The following BAIAP2 variants were observed in gnomAD, a reference collection of about 807,000 sequenced individuals.
BAIAP2 encodes the protein BAR/IMD domain containing adaptor protein 2, also known as BAR/IMD domain-containing adapter protein 2.
A neutral mutation model predicts 63.0 loss-of-function variants in BAIAP2; 18 were observed. The observed-to-expected ratio is 0.29, with a 90% CI of 0.20 to 0.42. The LOEUF is 0.42. Among genes scored for constraint, BAIAP2 ranks in the 10% least tolerant of loss-of-function variants. The pLI is 1.00. For missense variants in BAIAP2, 610 were observed against 734.3 expected, an observed-to-expected ratio of 0.83 and a Z score of 1.96; for synonymous variants, 386 against 307.6, an observed-to-expected ratio of 1.25 and a Z score of -2.67.
chr17:81,057,724 T>C, intron 2 of BAIAP2, 157 bp from the exon 3 acceptor site: 1 of 1,405,490 alleles, frequency 7.1e-7, no homozygotes, highest in Non-Finnish European at 9.2e-7. Flanking sequence ...AGATGGGTTC[T>C]GTCCAACCCA....
At chr17:81,070,204 C>T (rs1423572058) in intron 3 of BAIAP2, among the ~76,000 whole-genome samples, 1 of 152,200 alleles carries the variant, frequency 6.6e-6, no homozygotes, top group Non-Finnish European at 1.5e-5. Context: ...AGTGATCCTC[C>T]TATCTCGGCC....
rs970398072 is a variant in BAIAP2, at chr17:81,093,786, A to T, written c.490-6142A>T. Among the ~76,000 whole-genome samples the T allele has an allele frequency of 2.6e-5, 4 of 152,154 alleles. No homozygotes were observed. In the East Asian group the frequency reaches 7.7e-4, roughly 29 times the overall value. ...AAAGGGTGTATAATTAACACAGCAG[A>T]GACAAAGCACCCTCGTTCAGATCTT... On this transcript the variant is annotated intron_variant, in intron 6 of 13. Transcript: ENST00000428708.
chr17:81,085,434 A>G (rs1471589071), intron 4 of BAIAP2: 2 of 680,952 alleles, frequency 2.9e-6, no homozygotes, highest in Non-Finnish European at 5.4e-6. Flanking sequence ...TGGAGGCGAG[A>G]TTGTCCGACG....
At chr17:81,093,887 C>T (rs1363402928) in intron 6 of BAIAP2, among the ~76,000 whole-genome samples, 4 of 152,290 alleles carry the variant, frequency 2.6e-5, no homozygotes, top group Non-Finnish European at 5.9e-5. Flanking sequence ...AGCCCATCCT[C>T]GTTTTCACAA....
intron 9 of BAIAP2, 147 bp from the exon 10 acceptor site, chr17:81,104,367 G>A (rs2058873129): frequency 4.3e-6 from 4 of 929,594 alleles, no homozygotes; most frequent in Non-Finnish European, 6.5e-6. Context: ...CTTGGGAGCA[G>A]GTAGCTGCTG....
At chr17:81,106,612 G>T (rs1010949306) in intron 11 of BAIAP2, 133 bp from the exon 12 acceptor site, 129 of 1,054,376 alleles carry the variant, frequency 1.2e-4, no homozygotes, top group Non-Finnish European at 1.7e-4. Flanking sequence ...CAGGGCTGCC[G>T]CCTTGGCCTG....
At chr17:81,057,750 C>A in intron 2 of BAIAP2, 131 bp from the exon 3 acceptor site, 1 of 1,415,162 alleles carries the variant, frequency 7.1e-7, no homozygotes. Flanking sequence ...CACAGCGAGT[C>A]GAGTATTCTC....
At position 81,115,490 on chromosome 17, in the gene BAIAP2, G is replaced by A. The variant is rs1255408389; in HGVS notation, c.1536-280G>A. Among the ~76,000 whole-genome samples the A allele has an allele frequency of 3.4e-5, 5 of 148,492 alleles. 1 individual carries two copies. Among genetic ancestry groups the A allele is most frequent in the Admixed American group, 3.3e-4 (5 of 15,166 alleles). On this transcript the variant is annotated intron_variant, in intron 13 of 13. Coordinates refer to ENST00000428708, the MANE Select transcript of BAIAP2 (RefSeq NM_001144888.2). The stretch of plus-strand genomic sequence containing the variant: ...GGCCTGCCCCGCCCCACCCCGCCCT[G>A]CCCTGCCCAGCCCACACTGCTGGGA...
At chr17:81,089,835 G>T (rs1021943193) in intron 6 of BAIAP2, among the ~76,000 whole-genome samples, 1 of 152,180 alleles carries the variant, frequency 6.6e-6, no homozygotes, top group Non-Finnish European at 1.5e-5. Context: ...GCCCCGAAGC[G>T]CATGGTAGGT....
intron 13 of BAIAP2, among the ~76,000 whole-genome samples, chr17:81,114,962 C>T (rs1259658530): frequency 6.6e-6 from 1 of 152,232 alleles, no homozygotes; most frequent in African/African-American, 2.4e-5. Flanking sequence ...TTCATGTCCA[C>T]GTGCCATCTG....
At chr17:81,100,322 T>C (rs1290534971) in intron 7 of BAIAP2, among the ~76,000 whole-genome samples, 2 of 152,182 alleles carry the variant, frequency 1.3e-5, no homozygotes, top group Admixed American at 6.5e-5. Flanking sequence ...TGATGGGCTT[T>C]CAAGGCCTTC....
In BAIAP2 at chr17:81,074,720, CTG is replaced by C. The variant is rs569359988; in HGVS notation, c.218-10107_218-10106del. The stretch of plus-strand genomic sequence containing the variant: ...CATGCACGGATGCGTGTCTGTGCGT[CTG>C]TGTGCGTGCACAGATGCGTGTGAGT... On this transcript the variant is annotated intron_variant, in intron 3 of 13. Transcript: ENST00000428708. 7.3e-3 allele frequency among the ~76,000 whole-genome samples: 1,014 copies of C among 138,482 alleles called. 3 individuals carry two copies. The highest frequency in any genetic ancestry group is 0.012 in the Non-Finnish European group (738 of 64,064). The allele number at this position is 138,482 out of a possible 152,430, so 90.8% of individuals were successfully genotyped here.
chr17:81,060,754 C>T (rs561627071), intron 3 of BAIAP2, among the ~76,000 whole-genome samples: 1 of 152,292 alleles, frequency 6.6e-6, no homozygotes, highest in East Asian at 1.9e-4. Context: ...GTGGCCAAGT[C>T]CTACTGCACA....
Position 81,103,995 on chromosome 17 carries a change from C to G in BAIAP2, c.953C>G (p.Ala318Gly). The G allele has an allele frequency of 6.2e-7, 1 of 1,613,174 alleles. No homozygotes were observed. Among genetic ancestry groups the G allele is most frequent in the East Asian group, 2.2e-5 (1 of 44,876 alleles). ...TACAGCCCGTGGGCTGACCGCAAGG[C>G]TGCCCAGCCCAAATCCCTGTCTCCT... ...EDYSPWADRK[A>G]AQPKSLSPPQ... The change falls in exon 9 of 14, where the codon GCT becomes GGT. Residue 318 changes from alanine to glycine, a missense_variant. Physicochemically the swap from Ala to Gly is moderately conservative, Grantham distance 60. Around this residue, in one of 5 missense-constraint regions of BAIAP2, gnomAD observed 389 missense variants for 455.6 expected, o/e 0.85. Transcript: ENST00000428708.
At chr17:81,035,563 A>C (rs1282850443) in intron 1 of BAIAP2, among the ~76,000 whole-genome samples, 1 of 149,190 alleles carries the variant, frequency 6.7e-6, no homozygotes, top group Non-Finnish European at 1.5e-5. Flanking sequence ...GTCAGTCCCC[A>C]GCCCCAGGCC....
chr17:81,103,544 G>T lies in BAIAP2; in HGVS notation c.685G>T (p.Ala229Ser), dbSNP rs1190766858. The change falls in exon 8 of 14, where the codon GCC becomes TCC. Residue 229 changes from alanine (A) to serine (S), a missense_variant. By Grantham distance (99) the Ala-to-Ser change is moderately conservative (BLOSUM62 1). Coordinates refer to ENST00000428708, the MANE Select transcript of BAIAP2 (RefSeq NM_001144888.2). The part of the protein sequence containing the change: ...LAQKLPLWQQ[A>S]CADPSKIPER... Reference sequence around the variant, plus strand: ...GCAGAAGCTGCCGCTGTGGCAACAGGCCTGTGCCGACCCCAGCAAGATCCC... The same window carrying T: ...GCAGAAGCTGCCGCTGTGGCAACAGTCCTGTGCCGACCCCAGCAAGATCCC... The T allele has an allele frequency of 6.3e-7, 1 of 1,596,304 alleles. No homozygotes were observed. The highest frequency in any genetic ancestry group is 1.7e-5 in the Admixed American group (1 of 59,334).
chr17:81,080,043 C>T (rs147871255), intron 3 of BAIAP2, among the ~76,000 whole-genome samples: 2 of 152,202 alleles, frequency 1.3e-5, no homozygotes, highest in Non-Finnish European at 2.9e-5. Context: ...TCTTCAGGCC[C>T]CTGAAGGACA....
At chr17:81,057,762 C>T (rs535938756) in intron 2 of BAIAP2, 119 bp from the exon 3 acceptor site, 14 of 1,424,188 alleles carry the variant, frequency 9.8e-6, no homozygotes, top group Admixed American at 2.9e-5. Context: ...AGTATTCTCC[C>T]AGCTTGTCTG....
intron 7 of BAIAP2, among the ~76,000 whole-genome samples, 182 bp from the exon 8 acceptor site, chr17:81,103,320 G>A (rs2058736179): frequency 1.3e-5 from 2 of 152,346 alleles, no homozygotes; most frequent in South Asian, 2.1e-4. Context: ...GCCCTTTACC[G>A]GCAGCCGCTT....
Sources: gnomAD v4.1 joint callset for allele counts (sites outside exome capture counted in the v4.1 genomes callset) on GRCh38, gnomAD v4.1.1 for gene constraint, gnomAD v4.1.1 regional missense constraint, MANE v1.5 for transcripts, NCBI Gene and HGNC (gene_info 2026-07-23, HGNC 2026-07-21) for gene names.